Variants in KCNMA1 observed in about 807,000 individuals in gnomAD.
KCNMA1 encodes potassium calcium-activated channel subfamily M alpha 1.
In KCNMA1, 29 loss-of-function variants were observed where a neutral mutation model predicts 140.0. The observed-to-expected ratio is 0.21, with a 90% CI of 0.15 to 0.28. The LOEUF (loss-of-function observed/expected upper bound fraction) is 0.28, where lower values mean the gene tolerates loss of function less well. Among genes scored for constraint, KCNMA1 ranks in the 10% least tolerant of loss-of-function variants. The probability of loss-of-function intolerance (pLI) is 1.00; values close to 1 mark genes in which losing one functional copy is unlikely to be tolerated. For synonymous variants in KCNMA1, 612 were observed against 611.9 expected, an observed-to-expected ratio of 1.00 and a Z score of 0.00; for missense variants, 880 against 1,602.2, an observed-to-expected ratio of 0.55 and a Z score of 7.70.
chr10:77,129,396 T>C lies in KCNMA1; in HGVS notation c.809-8348A>G, dbSNP rs77123680. Among the ~76,000 whole-genome samples, 613 of 152,318 alleles carry C rather than the reference T, an allele frequency of 4.0e-3. 6 individuals are homozygous for C. The highest frequency in any genetic ancestry group is 0.014 in the African/African-American group (596 of 41,562). ...GGATGTATTTATTTATTTTGGCTAGTAGTATGCCAAAAGGAGAATGCTTTA... is the reference window on the plus strand; with the variant it reads ...GGATGTATTTATTTATTTTGGCTAGCAGTATGCCAAAAGGAGAATGCTTTA... On this transcript the variant is annotated intron_variant, in intron 5 of 27. Transcript: ENST00000286628.
At chr10:77,007,464 G>A (rs1172538158) in intron 18 of KCNMA1, among the ~76,000 whole-genome samples, 1 of 151,822 alleles carries the variant, frequency 6.6e-6, no homozygotes, top group African/African-American at 2.4e-5. Context: ...TAAGACAATT[G>A]AGATACTTAC....
At chr10:77,303,493 T>TTATA (rs2076992913) in intron 2 of KCNMA1, among the ~76,000 whole-genome samples, 2 of 152,182 alleles carry the variant, frequency 1.3e-5, no homozygotes, top group Non-Finnish European at 2.9e-5. Context: ...TAATACCCAT[T>TTATA]GAATATTTTA....
intron 3 of KCNMA1, among the ~76,000 whole-genome samples, chr10:77,228,431 A>C (rs567798447): frequency 6.6e-6 from 1 of 152,146 alleles, no homozygotes; most frequent in Non-Finnish European, 1.5e-5. Context: ...TACATGATCG[A>C]GAAGAGCACT....
At chr10:77,413,270 CT>C (rs1177786592) in intron 1 of KCNMA1, among the ~76,000 whole-genome samples, 1 of 152,102 alleles carries the variant, frequency 6.6e-6, no homozygotes, top group African/African-American at 2.4e-5. Flanking sequence ...TTAGGAAGCC[CT>C]GGGGCTGCTG....
At chr10:76,980,869 C>G (rs577130225) in intron 19 of KCNMA1, among the ~76,000 whole-genome samples, 1 of 152,166 alleles carries the variant, frequency 6.6e-6, no homozygotes, top group African/African-American at 2.4e-5. Context: ...AAGAGTTAAC[C>G]ACACAGGTCT....
chr10:76,996,284 T>C (rs777024071), intron 19 of KCNMA1, among the ~76,000 whole-genome samples: 5 of 152,250 alleles, frequency 3.3e-5, no homozygotes, highest in Non-Finnish European at 7.3e-5. Context: ...CAGAGTGAGC[T>C]AAGGCCCACA....
intron 1 of KCNMA1, among the ~76,000 whole-genome samples, chr10:77,529,308 C>T (rs964640462): frequency 4.6e-5 from 7 of 151,976 alleles, no homozygotes; most frequent in African/African-American, 1.7e-4. Flanking sequence ...TTCCCTCTGC[C>T]AGGAGTGCAG....
At chr10:76,983,914 G>T (rs564186209) in intron 19 of KCNMA1, among the ~76,000 whole-genome samples, 5 of 152,058 alleles carry the variant, frequency 3.3e-5, no homozygotes, top group African/African-American at 1.2e-4. Context: ...ACAGTAAAAA[G>T]ATATAGCTGT....
chr10:77,043,376 G>A (rs2094846826), intron 14 of KCNMA1, among the ~76,000 whole-genome samples: 1 of 152,170 alleles, frequency 6.6e-6, no homozygotes, highest in African/African-American at 2.4e-5. Context: ...ATATTCTCAA[G>A]CAATGTATGT....
intron 15 of KCNMA1, among the ~76,000 whole-genome samples, chr10:77,028,292 C>A (rs368505025): frequency 1.3e-5 from 2 of 152,090 alleles, no homozygotes; most frequent in East Asian, 3.9e-4. Context: ...GTCTTTTGTA[C>A]AAATGGCTCA....
intron 23 of KCNMA1, among the ~76,000 whole-genome samples, chr10:76,942,584 G>A (rs2062818075): frequency 1.3e-5 from 2 of 152,214 alleles, no homozygotes; most frequent in African/African-American, 2.4e-5. Flanking sequence ...GCACCGGGGA[G>A]TGGAAGAATT....
intron 1 of KCNMA1, among the ~76,000 whole-genome samples, chr10:77,585,166 C>T (rs2076920502): frequency 6.6e-6 from 1 of 152,212 alleles, no homozygotes; most frequent in Admixed American, 6.5e-5. Context: ...AAAACACATG[C>T]CTGCTCTCAG....
intron 2 of KCNMA1, among the ~76,000 whole-genome samples, chr10:77,327,577 A>G (rs1349717545): frequency 6.6e-6 from 1 of 151,942 alleles, no homozygotes; most frequent in Non-Finnish European, 1.5e-5. Context: ...CTGGTCTCGA[A>G]CTCTTGACCT....
intron 2 of KCNMA1, among the ~76,000 whole-genome samples, chr10:77,363,496 A>G (rs1183286458): frequency 6.6e-6 from 1 of 152,194 alleles, no homozygotes; most frequent in Non-Finnish European, 1.5e-5. Flanking sequence ...ACCCTTAGTA[A>G]CCTTTTATTC....
intron 19 of KCNMA1, among the ~76,000 whole-genome samples, chr10:76,976,236 G>A (rs1353613228): frequency 1.3e-5 from 2 of 152,202 alleles, no homozygotes; most frequent in African/African-American, 4.8e-5. Flanking sequence ...AGGGAGGCTT[G>A]TTGGAGCTTT....
intron 2 of KCNMA1, among the ~76,000 whole-genome samples, chr10:77,263,515 G>A (rs1227498409): frequency 2.0e-5 from 3 of 152,118 alleles, no homozygotes; most frequent in Non-Finnish European, 4.4e-5. Flanking sequence ...GTCAAGCTTG[G>A]TTGTAGCTCC....
At chr10:77,493,237 C>T (rs886867092) in intron 1 of KCNMA1, among the ~76,000 whole-genome samples, 2 of 152,250 alleles carry the variant, frequency 1.3e-5, no homozygotes, top group Non-Finnish European at 2.9e-5. Flanking sequence ...GGCTAATCAG[C>T]CTCTTCTTCT....
intron 5 of KCNMA1, among the ~76,000 whole-genome samples, chr10:77,175,887 C>T (rs911595953): frequency 1.2e-4 from 18 of 152,222 alleles, no homozygotes; most frequent in Admixed American, 1.2e-3. Flanking sequence ...TCTGCCTCCA[C>T]TCTCTGGCCA....
At chr10:77,509,344 C>T (rs1211028101) in intron 1 of KCNMA1, among the ~76,000 whole-genome samples, 1 of 152,128 alleles carries the variant, frequency 6.6e-6, no homozygotes, top group Non-Finnish European at 1.5e-5. Flanking sequence ...GTCTCGAACT[C>T]GTGACCTCAG....
Sources: allele counts gnomAD v4.1 joint callset (sites outside exome capture counted in the v4.1 genomes callset), GRCh38; gene constraint gnomAD v4.1.1; transcripts MANE v1.5; gene names NCBI Gene and HGNC (gene_info 2026-07-23, HGNC 2026-07-21).